YME1L1: variants seen among roughly 807,000 people sequenced by gnomAD.
YME1L1 encodes YME1 like 1 ATPase, also known as ATP-dependent zinc metalloprotease YME1L1.
Under a neutral mutation model 90.4 loss-of-function variants are expected in YME1L1, and 39 were observed. That is an observed-to-expected ratio of 0.43 (90% CI 0.33 to 0.56). The LOEUF (loss-of-function observed/expected upper bound fraction) is 0.56. YME1L1 is among the 20% of genes least tolerant of loss of function. The probability of loss-of-function intolerance (pLI) is 0.03; values close to 1 mark genes in which losing one functional copy is unlikely to be tolerated. For missense variants in YME1L1, 617 were observed against 868.4 expected (o/e 0.71, Z 3.64); for synonymous variants, 284 against 287.3 (o/e 0.99, Z 0.12).
At position 27,111,992 on chromosome 10, in the gene YME1L1, C is replaced by T; in HGVS notation, c.2136G>A (p.Lys712=). The T allele has an allele frequency of 1.2e-6, 2 of 1,614,052 alleles. No individual in the cohort carries two copies. The highest frequency in any genetic ancestry group is 1.7e-6 in the Non-Finnish European group (2 of 1,179,992). The change falls in exon 19 of 19, where the codon AAG becomes AAA. Residue 712 remains lysine, a synonymous_variant. Coordinates refer to ENST00000376016, the MANE Select transcript of YME1L1 (RefSeq NM_014263.4). ...KEIQIVLEGK[K]LEVR Reference sequence around the variant, plus strand: ...AAGAGAGTTATCATCTCACTTCCAACTTTTTCCCCTCAAGAACAATTTGAA... The same window carrying T: ...AAGAGAGTTATCATCTCACTTCCAATTTTTTCCCCTCAAGAACAATTTGAA...
At chr10:27,132,601 C>G (rs1291655692) in intron 7 of YME1L1, among the ~76,000 whole-genome samples, 1 of 151,666 alleles carries the variant, frequency 6.6e-6, no homozygotes, top group Non-Finnish European at 1.5e-5. Context: ...GCGGGCAGAT[C>G]GCAAGGTGAG....
In YME1L1 at chr10:27,125,585, A is replaced by C. The variant is rs144670141; in HGVS notation, c.949+1111T>G. Among the ~76,000 whole-genome samples the C allele has an allele frequency of 3.3e-3, 501 of 152,080 alleles. 2 individuals are homozygous for C. The highest frequency in any genetic ancestry group is 0.011 in the African/African-American group (476 of 41,502). ...AGGATACTATTGGAGCAAATGCTGAAATTTGAATATAGACTCTAAATTTGA... is the reference window on the plus strand; with the variant it reads ...AGGATACTATTGGAGCAAATGCTGACATTTGAATATAGACTCTAAATTTGA... On this transcript the variant is annotated intron_variant, in intron 9 of 18. Transcript: ENST00000376016.
intron 7 of YME1L1, 103 bp from the exon 8 acceptor site, chr10:27,132,044 T>C: frequency 2.5e-6 from 2 of 811,172 alleles, no homozygotes; most frequent in Non-Finnish European, 3.9e-6. Flanking sequence ...ATTAAATGTC[T>C]AAGTGACCTA....
chr10:27,148,747 G>C (rs544136143), intron 2 of YME1L1, among the ~76,000 whole-genome samples, 159 bp downstream of exon 2: 21 of 144,758 alleles, frequency 1.5e-4, no homozygotes, highest in African/African-American at 5.2e-4. Flanking sequence ...AAGGCTTCCT[G>C]GTCAATAGTA....
At chr10:27,152,211 GA>G (rs1234866064) in intron 1 of YME1L1, among the ~76,000 whole-genome samples, 1 of 152,086 alleles carries the variant, frequency 6.6e-6, no homozygotes, top group Non-Finnish European at 1.5e-5. Context: ...CTACCTCTTT[GA>G]AAAGATTTAT....
At chr10:27,122,130 A>G (rs1255665333) in intron 11 of YME1L1, among the ~76,000 whole-genome samples, 2 of 152,150 alleles carry the variant, frequency 1.3e-5, no homozygotes, top group South Asian at 2.1e-4. Context: ...CTTGGCTTCC[A>G]AAAGTCCTGG....
chr10:27,127,536 C>A (rs2056933257), intron 8 of YME1L1, among the ~76,000 whole-genome samples: 1 of 152,060 alleles, frequency 6.6e-6, no homozygotes, highest in South Asian at 2.1e-4. Flanking sequence ...TAATGGGATA[C>A]TATGCAATAA....
chr10:27,130,840 C>T (rs1214801937), intron 8 of YME1L1, among the ~76,000 whole-genome samples: 4 of 152,152 alleles, frequency 2.6e-5, no homozygotes, highest in East Asian at 1.9e-4. Context: ...GCAACAATAG[C>T]GAAACTCCGT....
intron 2 of YME1L1, chr10:27,146,153 T>C (rs2057141610): frequency 6.6e-6 from 1 of 152,174 alleles, no homozygotes; most frequent in Non-Finnish European, 1.5e-5. Flanking sequence ...ATGATAATCC[T>C]CACCAGTCCA....
At position 27,114,532 on chromosome 10, in the gene YME1L1, T is replaced by C. The variant is rs780726833; in HGVS notation, c.1996A>G (p.Ile666Val). Residue 666 changes from isoleucine (I) to valine (V), a missense_variant, in exon 18 of 19, where the codon ATC becomes GTC. Physicochemically the swap from Ile to Val is conservative, Grantham distance 29. Coordinates refer to ENST00000376016, the MANE Select transcript of YME1L1 (RefSeq NM_014263.4). ...AAAAATATTATTACCCTTAGAAGGA[T>C]TCTTATTTCTTGTTCGATGGCAGAT... ...TQSAIEQEIRILLRDSYERAK... is the reference protein window; with the variant it reads ...TQSAIEQEIRVLLRDSYERAK... The C allele has an allele frequency of 3.1e-6, 5 of 1,613,332 alleles. No individual in the cohort carries two copies. The highest frequency in any genetic ancestry group is 4.5e-5 in the East Asian group (2 of 44,850).
chr10:27,135,261 C>T (rs2057015943), intron 5 of YME1L1, among the ~76,000 whole-genome samples: 1 of 152,238 alleles, frequency 6.6e-6, no homozygotes, highest in African/African-American at 2.4e-5. Flanking sequence ...GTTTGATTGG[C>T]TTAATGTTCA....
intron 2 of YME1L1, among the ~76,000 whole-genome samples, chr10:27,148,597 C>T (rs1356822281): frequency 1.3e-5 from 2 of 152,174 alleles, no homozygotes; most frequent in Admixed American, 1.3e-4. Flanking sequence ...TCCACTTCTA[C>T]TTAATGAATG....
chr10:27,123,019 C>T (rs2135854000), intron 10 of YME1L1, 46 bp from the exon 11 acceptor site: 1 of 1,583,458 alleles, frequency 6.3e-7, no homozygotes. Context: ...AAAGTCAACA[C>T]TTTTGAACAA....
chr10:27,123,756 T>G (rs972104139), intron 9 of YME1L1, 57 bp from the exon 10 acceptor site: 1 of 1,507,794 alleles, frequency 6.6e-7, no homozygotes, highest in African/African-American at 1.4e-5. Context: ...TCCCTCGATA[T>G]GAACCTATAA....
chr10:27,131,310 CAG>C (rs1169880933), intron 8 of YME1L1, among the ~76,000 whole-genome samples: 2 of 152,172 alleles, frequency 1.3e-5, no homozygotes, highest in African/African-American at 2.4e-5. Flanking sequence ...TCTAAGAATG[CAG>C]AGATTATTTA....
intron 1 of YME1L1, among the ~76,000 whole-genome samples, chr10:27,150,920 C>T (rs2057205834): frequency 1.1e-5 from 1 of 87,660 alleles, no homozygotes; most frequent in Non-Finnish European, 2.3e-5. Flanking sequence ...ACTCTCTCGC[C>T]TTTTTTTTTT....
intron 3 of YME1L1, among the ~76,000 whole-genome samples, chr10:27,143,885 G>T (rs574704321): frequency 1.3e-4 from 20 of 152,202 alleles, no homozygotes; most frequent in Non-Finnish European, 2.5e-4. Context: ...TGGGTAAAAA[G>T]AAAGGTCAAG....
intron 18 of YME1L1, among the ~76,000 whole-genome samples, chr10:27,113,219 CAAAAAAAAAAAAAAAAAAAAAAAAAAAA>C (rs869122796): frequency 2.3e-4 from 10 of 43,088 alleles, no homozygotes; most frequent in Non-Finnish European, 8.8e-5. Context: ...GATGCTGTCT[CAAAAAAAAAAAAAAAAAAAAAAAAAAAA>C]AAAAAAAAAA....
At chr10:27,131,214 C>G (rs1588598402) in intron 8 of YME1L1, among the ~76,000 whole-genome samples, 1 of 152,188 alleles carries the variant, frequency 6.6e-6, no homozygotes, top group East Asian at 1.9e-4. Context: ...TCTACTTTTT[C>G]CTCCATACAC....
Sources: gnomAD v4.1 joint callset for allele counts (sites outside exome capture counted in the v4.1 genomes callset) on GRCh38, gnomAD v4.1.1 for gene constraint, MANE v1.5 for transcripts, NCBI Gene and HGNC (gene_info 2026-07-23, HGNC 2026-07-21) for gene names.